The following NCAM1 variants were observed in gnomAD, a reference collection of about 807,000 sequenced individuals.
NCAM1 encodes neural cell adhesion molecule 1.
Under a neutral mutation model 109.8 loss-of-function variants are expected in NCAM1, and 14 were observed. That is an observed-to-expected ratio of 0.13 (90% CI 0.08 to 0.20). The LOEUF is 0.20. Among genes scored for constraint, NCAM1 ranks in the 10% least tolerant of loss-of-function variants. The pLI is 1.00. For synonymous variants in NCAM1, 418 were observed against 442.9 expected (o/e 0.94, Z 0.70); for missense variants, 774 against 1,109.9 (o/e 0.70, Z 4.30).
At chr11:112,999,173 T>C (rs978944661) in intron 1 of NCAM1, among the ~76,000 whole-genome samples, 2 of 152,262 alleles carry the variant, frequency 1.3e-5, no homozygotes, top group Admixed American at 6.5e-5. Context: ...CCCTCTGATA[T>C]TGTATGTAAT....
intron 1 of NCAM1, among the ~76,000 whole-genome samples, chr11:113,150,997 A>G (rs2136270088): frequency 6.6e-6 from 1 of 152,238 alleles, no homozygotes; most frequent in East Asian, 1.9e-4. Context: ...AATTTATGTG[A>G]CCTTGGTCTA....
intron 1 of NCAM1, among the ~76,000 whole-genome samples, chr11:113,153,613 G>T (rs1942313566): frequency 6.6e-6 from 1 of 152,190 alleles, no homozygotes; most frequent in South Asian, 2.1e-4. Flanking sequence ...AGTGAGTTTT[G>T]TTAGAGATAA....
chr11:113,127,553 A>C (rs531534517), intron 1 of NCAM1, among the ~76,000 whole-genome samples: 1 of 152,230 alleles, frequency 6.6e-6, no homozygotes, highest in African/African-American at 2.4e-5. Context: ...TCTTTTAGGG[A>C]TAGTATTTTT....
intron 1 of NCAM1, among the ~76,000 whole-genome samples, chr11:113,138,158 A>T (rs1196261311): frequency 6.6e-6 from 1 of 152,194 alleles, no homozygotes; most frequent in Non-Finnish European, 1.5e-5. Flanking sequence ...GTGCTTACAG[A>T]AAGAATATAA....
intron 2 of NCAM1, among the ~76,000 whole-genome samples, 155 bp from the exon 3 acceptor site, chr11:113,204,131 A>G (rs1456589672): frequency 6.6e-6 from 1 of 152,186 alleles, no homozygotes; most frequent in Non-Finnish European, 1.5e-5. Flanking sequence ...GAAGGGCTGC[A>G]TGTCATTCCA....
intron 9 of NCAM1, among the ~76,000 whole-genome samples, chr11:113,224,850 C>T (rs892381732): frequency 3.9e-5 from 6 of 152,208 alleles, no homozygotes; most frequent in Non-Finnish European, 7.3e-5. Context: ...TGGCAAACTC[C>T]GACAGACCTG....
chr11:113,071,075 G>A (rs188425120), intron 1 of NCAM1, among the ~76,000 whole-genome samples: 59 of 152,226 alleles, frequency 3.9e-4, no homozygotes, highest in Non-Finnish European at 2.2e-4. Flanking sequence ...TAAGGCTGAA[G>A]GTGAGCAAGC....
chr11:113,238,599 A>G (rs1179703999), intron 14 of NCAM1, among the ~76,000 whole-genome samples: 8 of 152,144 alleles, frequency 5.3e-5, no homozygotes, highest in African/African-American at 1.9e-4. Flanking sequence ...CTTAGGAAGG[A>G]CCTTCTCTGA....
intron 1 of NCAM1, among the ~76,000 whole-genome samples, chr11:113,043,304 T>C (rs2135439809): frequency 6.6e-6 from 1 of 152,306 alleles, no homozygotes; most frequent in Middle Eastern, 3.4e-3. Flanking sequence ...TCCCCTCTCC[T>C]GTGTCCCTAT....
At chr11:113,155,848 C>CCTCCCCATTCCTCCACTT (rs1942391198) in intron 1 of NCAM1, among the ~76,000 whole-genome samples, 1 of 152,004 alleles carries the variant, frequency 6.6e-6, no homozygotes, top group African/African-American at 2.4e-5. Flanking sequence ...TTCCTCCACT[C>CCTCCCCATTCCTCCACTT]TCCTCCCCAT....
chr11:113,051,981 T>C (rs1430812401), intron 1 of NCAM1, among the ~76,000 whole-genome samples: 5 of 152,256 alleles, frequency 3.3e-5, no homozygotes, highest in Admixed American at 6.5e-5. Context: ...CGCACTGGTC[T>C]TCCAGATGCA....
At chr11:113,088,196 G>A (rs371865114) in intron 1 of NCAM1, among the ~76,000 whole-genome samples, 7 of 152,260 alleles carry the variant, frequency 4.6e-5, no homozygotes, top group African/African-American at 1.7e-4. Flanking sequence ...AATACCACAA[G>A]CTTTAAACAT....
chr11:113,150,342 T>C (rs782112692), intron 1 of NCAM1, among the ~76,000 whole-genome samples: 1 of 152,194 alleles, frequency 6.6e-6, no homozygotes, highest in Non-Finnish European at 1.5e-5. Flanking sequence ...AAGGAATGGT[T>C]TGTGGCAAAG....
At chr11:113,177,431 C>CTTGTTG (rs559548270) in intron 1 of NCAM1, among the ~76,000 whole-genome samples, 1 of 152,052 alleles carries the variant, frequency 6.6e-6, no homozygotes, top group Middle Eastern at 3.4e-3. Flanking sequence ...CGTATTATGT[C>CTTGTTG]TTGTTGTTGT....
chr11:112,985,736 T>C (rs967738501), intron 1 of NCAM1, among the ~76,000 whole-genome samples: 13 of 152,020 alleles, frequency 8.6e-5, no homozygotes, highest in Non-Finnish European at 1.6e-4. Flanking sequence ...GAAATATTAC[T>C]GATTTTTGTA....
chr11:113,048,105 G>A (rs781831230), intron 1 of NCAM1, among the ~76,000 whole-genome samples: 9 of 152,142 alleles, frequency 5.9e-5, no homozygotes, highest in Non-Finnish European at 1.0e-4. Flanking sequence ...GATGGTGACT[G>A]CTGCTGAGAC....
intron 14 of NCAM1, among the ~76,000 whole-genome samples, chr11:113,238,696 C>A (rs1355825956): frequency 6.6e-6 from 1 of 152,242 alleles, no homozygotes; most frequent in Non-Finnish European, 1.5e-5. Flanking sequence ...TGTGCTTGCA[C>A]TGAGCCCAAG....
At chr11:113,192,867 A>G (rs782500066) in intron 1 of NCAM1, among the ~76,000 whole-genome samples, 1 of 152,156 alleles carries the variant, frequency 6.6e-6, no homozygotes, top group Non-Finnish European at 1.5e-5. Context: ...TTTGTTAGTA[A>G]ATGGCTCTGC....
intron 1 of NCAM1, among the ~76,000 whole-genome samples, chr11:113,049,027 A>G (rs1953370116): frequency 6.6e-6 from 1 of 152,164 alleles, no homozygotes; most frequent in Admixed American, 6.5e-5. Flanking sequence ...GAGTCAGCTT[A>G]GACCTTTTGT....
Sources: gnomAD v4.1 joint callset for allele counts (sites outside exome capture counted in the v4.1 genomes callset) on GRCh38, gnomAD v4.1.1 for gene constraint, MANE v1.5 for transcripts, NCBI Gene and HGNC (gene_info 2026-07-23, HGNC 2026-07-21) for gene names.